Variants in CACNB4 observed in about 807,000 individuals in gnomAD.
The protein encoded by CACNB4 is calcium voltage-gated channel auxiliary subunit beta 4, also known as voltage-dependent L-type calcium channel subunit beta-4.
In CACNB4, 32 loss-of-function variants were observed where a neutral mutation model predicts 71.2. That is an observed-to-expected ratio of 0.45 (90% confidence interval 0.34 to 0.60). The LOEUF is 0.60. CACNB4 is among the 20% of genes least tolerant of loss of function. The pLI, the probability that CACNB4 is intolerant of heterozygous loss-of-function variation, is 0.01. For synonymous variants in CACNB4, 231 were observed against 236.9 expected, an observed-to-expected ratio of 0.97 and a Z score of 0.23; for missense variants, 464 against 647.9, an observed-to-expected ratio of 0.72 and a Z score of 3.08.
rs578204421 is a variant in CACNB4 at position 151,884,946 on chromosome 2, G to C, written c.148-1576C>G. Among the ~76,000 whole-genome samples, 176 of 150,930 alleles carry C rather than the reference G, an allele frequency of 1.2e-3. 1 individual carries two copies. The highest frequency in any genetic ancestry group is 4.1e-3 in the African/African-American group (167 of 40,248). On this transcript the variant is annotated intron_variant, in intron 2 of 13. Coordinates refer to ENST00000539935, the MANE Select transcript of CACNB4 (RefSeq NM_000726.5). ...GCTGAGAATCTGCTGTCCACTGAGT[G>C]GGGGAAAAAGCTTTAAGAAATAGTT... is the stretch of plus-strand genomic sequence containing the variant.
chr2:151,874,723 T>C (rs2099845515), intron 5 of CACNB4, among the ~76,000 whole-genome samples: 1 of 152,224 alleles, frequency 6.6e-6, no homozygotes, highest in Admixed American at 6.5e-5. Context: ...GAGAAAGAGC[T>C]GCTTCTATTT....
Position 152,098,944 on chromosome 2 carries a change from G to C in CACNB4, c.63+5C>G. ...AAGAGGAGAAGGGGGAGGAGGGGGC[G>C]GTACCTGCGAGGTGGGGGAGTGCGG... On this transcript the variant is annotated splice_donor_5th_base_variant and intron_variant, in intron 1 of 13. Coordinates refer to ENST00000539935, the MANE Select transcript of CACNB4 (RefSeq NM_000726.5). This position sits in a 1 kb window ranked among gnomAD's most constrained non-coding sequence, Gnocchi z 5.3. 6.7e-7 allele frequency: 1 copy of C among 1,489,864 alleles called. No individual in the cohort carries two copies. The highest frequency in any genetic ancestry group is 9.0e-7 in the Non-Finnish European group (1 of 1,114,230). 92.3% of individuals were successfully genotyped at this position (1,489,864 alleles called of 1,614,324 possible). A position where few individuals can be genotyped will look rare whatever the true frequency, so the allele number is the denominator to read the frequency against.
intron 2 of CACNB4, among the ~76,000 whole-genome samples, chr2:152,023,222 GA>G (rs1683772454): frequency 6.6e-6 from 1 of 152,014 alleles, no homozygotes; most frequent in African/African-American, 2.4e-5. Flanking sequence ...ACTATCAGGA[GA>G]ACAGCATGGG....
intron 2 of CACNB4, among the ~76,000 whole-genome samples, chr2:151,974,400 C>G (rs1168221747): frequency 6.6e-6 from 1 of 152,072 alleles, no homozygotes; most frequent in Non-Finnish European, 1.5e-5. Context: ...CTAGAATAAA[C>G]AGATGGTAAG....
chr2:151,860,663 C>T (rs1330804594), intron 10 of CACNB4, 48 bp downstream of exon 10: 2 of 1,265,320 alleles, frequency 1.6e-6, no homozygotes, highest in Non-Finnish European at 2.3e-6. Flanking sequence ...ATGTGTCAGC[C>T]CGGTCTGTAA....
chr2:151,861,852 A>AAAAAAAAAAAAAAAAAAAACAAAAAAC (rs1559883027), intron 9 of CACNB4: 2 of 146,552 alleles, frequency 1.4e-5, no homozygotes, highest in African/African-American at 5.2e-5. Context: ...CAAAAAAAAA[A>AAAAAAAAAAAAAAAAAAAACAAAAAAC]AAAAAACTGA....
At chr2:152,073,941 TA>T (rs986649824) in intron 2 of CACNB4, among the ~76,000 whole-genome samples, 1 of 152,118 alleles carries the variant, frequency 6.6e-6, no homozygotes, top group Non-Finnish European at 1.5e-5. Context: ...AGGCAGGGGA[TA>T]GGGGCAGGCA....
intron 2 of CACNB4, among the ~76,000 whole-genome samples, chr2:151,925,061 T>C (rs2099859896): frequency 6.6e-6 from 1 of 152,244 alleles, no homozygotes; most frequent in Admixed American, 6.5e-5. Flanking sequence ...CTGTGATCTC[T>C]TTAAGAATAT....
intron 2 of CACNB4, among the ~76,000 whole-genome samples, chr2:152,047,169 C>T (rs560382855): frequency 3.9e-5 from 6 of 152,346 alleles, no homozygotes; most frequent in African/African-American, 1.4e-4. Context: ...TCACGAGATG[C>T]TTGGTTCCCT....
intron 2 of CACNB4, among the ~76,000 whole-genome samples, chr2:152,031,651 C>T (rs2105191331): frequency 6.6e-6 from 1 of 152,208 alleles, no homozygotes; most frequent in East Asian, 1.9e-4. Context: ...AGGCTTTCTC[C>T]CCTGCCCATC....
chr2:151,878,228 T>C (rs1384212723), intron 4 of CACNB4, among the ~76,000 whole-genome samples: 3 of 152,110 alleles, frequency 2.0e-5, no homozygotes, highest in South Asian at 2.1e-4. Flanking sequence ...ATGATTCTGA[T>C]ACATTATGAA....
At chr2:151,850,675 C>G (rs1204627709) in intron 12 of CACNB4, 1 of 152,186 alleles carries the variant, frequency 6.6e-6, no homozygotes, top group Non-Finnish European at 1.5e-5. Context: ...AAAAGCAGAT[C>G]TGCAGTCACA....
chr2:151,913,693 G>C (rs904814869), intron 2 of CACNB4, among the ~76,000 whole-genome samples: 6 of 151,292 alleles, frequency 4.0e-5, no homozygotes, highest in Non-Finnish European at 7.4e-5. Context: ...ATGAACCCAG[G>C]AGGCGGAGCT....
At chr2:151,985,738 GTA>G in intron 2 of CACNB4, among the ~76,000 whole-genome samples, 1 of 150,038 alleles carries the variant, frequency 6.7e-6, no homozygotes. Context: ...ATTTTCATAA[GTA>G]TACTTAACCT....
In CACNB4 at chr2:151,960,349, A is replaced by G. The variant is rs573199448; in HGVS notation, c.148-76979T>C. 1.8e-3 allele frequency among the ~76,000 whole-genome samples: 269 copies of G among 152,280 alleles called. 3 individuals carry two copies. Among genetic ancestry groups the G allele is most frequent in the Middle Eastern group, 0.017 (5 of 294 alleles). On this transcript the variant is annotated intron_variant, in intron 2 of 13. Coordinates refer to ENST00000539935, the MANE Select transcript of CACNB4 (RefSeq NM_000726.5). ...GACTCTCTCTTGTGGCCGCTGGCAC[A>G]GTTCTGTAAGCATAAGGACCAGCTC... is the stretch of plus-strand genomic sequence containing the variant.
chr2:151,877,085 A>G (rs2099846610), intron 4 of CACNB4, among the ~76,000 whole-genome samples: 1 of 148,132 alleles, frequency 6.8e-6, no homozygotes, highest in Non-Finnish European at 1.5e-5. Flanking sequence ...ATATCTATAT[A>G]TACACATAGA....
intron 10 of CACNB4, among the ~76,000 whole-genome samples, chr2:151,855,717 G>A (rs1027862200): frequency 2.0e-5 from 3 of 152,230 alleles, no homozygotes; most frequent in Non-Finnish European, 2.9e-5. Flanking sequence ...GAAGCTAAAA[G>A]CACATTTAGA....
rs754380009 is a variant in CACNB4 at position 152,098,976 on chromosome 2, C to G, written c.36G>C (p.Ala12=). The G allele has an allele frequency of 1.3e-6, 2 of 1,530,908 alleles. No homozygotes were observed. Among genetic ancestry groups the G allele is most frequent in the South Asian group, 1.2e-5 (1 of 81,262 alleles). 94.8% of individuals were successfully genotyped at this position (1,530,908 alleles called of 1,614,324 possible). The change falls in exon 1 of 14, where the codon GCG becomes GCC. Residue 12 remains alanine, a synonymous_variant. Transcript: ENST00000539935. This position sits in a 1 kb window ranked among gnomAD's most constrained non-coding sequence, Gnocchi z 5.3. ...GCGAGGTGGGGGAGTGCGGCCCGTC[C>G]GCGGTCCCGTTCTTGGCGTAGGAGG... ...SSSSYAKNGT[A]DGPHSPTSQV... is the part of the protein sequence containing the mutation.
chr2:152,064,666 A>G (rs922949058), intron 2 of CACNB4, among the ~76,000 whole-genome samples: 2 of 152,238 alleles, frequency 1.3e-5, no homozygotes, highest in African/African-American at 2.4e-5. Flanking sequence ...TACAGGCATG[A>G]GCCACCACGC....
Sources: gnomAD v4.1 joint callset for allele counts (sites outside exome capture counted in the v4.1 genomes callset) on GRCh38, gnomAD v4.1.1 for gene constraint, Gnocchi (gnomAD v3.1) non-coding constraint, MANE v1.5 for transcripts, NCBI Gene and HGNC (gene_info 2026-07-23, HGNC 2026-07-21) for gene names.